TIMM44: variants seen among roughly 807,000 people sequenced by gnomAD.
TIMM44 encodes translocase of inner mitochondrial membrane 44.
TIMM44 carries 37 observed loss-of-function variants against 63.8 expected under a neutral mutation model. The observed-to-expected ratio is 0.58, with a 90% CI of 0.45 to 0.76. The LOEUF (loss-of-function observed/expected upper bound fraction) is 0.76, where lower values mean the gene tolerates loss of function less well. Ranked by LOEUF, TIMM44 falls within the 30% of genes least tolerant of loss-of-function variation. The probability of loss-of-function intolerance (pLI) is 0.00; values close to 1 mark genes in which losing one functional copy is unlikely to be tolerated. For synonymous variants in TIMM44, 239 were observed against 245.1 expected (o/e 0.98, Z 0.23); for missense variants, 573 against 603.8 (o/e 0.95, Z 0.54).
rs780520798 is a variant in TIMM44, at chr19:7,935,110, C to G, written c.348G>C (p.Glu116Asp). Residue 116 changes from glutamate (E) to aspartate (D), a missense_variant, in exon 4 of 13, where the codon GAG (glutamate) becomes GAC (aspartate). Glu to Asp is a conservative substitution (Grantham distance 45). Coordinates refer to ENST00000270538, the MANE Select transcript of TIMM44 (RefSeq NM_006351.4). ...GCTCCCCAAGCTTCTTCCGTAGCACCTCGCTCGTCCGCACGGTTTCTGACT... is the reference window on the plus strand; with the variant it reads ...GCTCCCCAAGCTTCTTCCGTAGCACGTCGCTCGTCCGCACGGTTTCTGACT... ...TIESETVRTS[E>D]VLRKKLGELT... The G allele has an allele frequency of 6.2e-7, 1 of 1,613,792 alleles. No individual in the cohort carries two copies. The highest frequency in any genetic ancestry group is 8.5e-7 in the Non-Finnish European group (1 of 1,179,948).
At chr19:7,928,857 GCAGCT>G (rs890816379) in intron 10 of TIMM44, 1 of 143,970 alleles carries the variant, frequency 6.9e-6, no homozygotes, top group African/African-American at 2.6e-5. Context: ...CAGGGCACCA[GCAGCT>G]CCCTGGCAAA....
Position 7,927,134 on chromosome 19 carries a change from G to A in TIMM44, c.*53C>T. ...TGGAGTTGCCGCAGGTGGTGTTGCGGTGCCTCTGTGCCTGATGACCCAGGC... is the reference window on the plus strand; with the variant it reads ...TGGAGTTGCCGCAGGTGGTGTTGCGATGCCTCTGTGCCTGATGACCCAGGC... On this transcript the variant is annotated 3_prime_UTR_variant, in exon 13 of 13. Coordinates refer to ENST00000270538, the MANE Select transcript of TIMM44 (RefSeq NM_006351.4). 6.4e-7 allele frequency: 1 copy of A among 1,566,292 alleles called. No individual in the cohort carries two copies. The highest frequency in any genetic ancestry group is 8.6e-7 in the Non-Finnish European group (1 of 1,162,772).
At chr19:7,928,504 G>A (rs770683552) in intron 10 of TIMM44, 12 of 312,560 alleles carry the variant, frequency 3.8e-5, no homozygotes, top group Non-Finnish European at 5.5e-5. Context: ...CATATTCGCC[G>A]CACTCTGAAT....
rs1446291330 is a variant in TIMM44 at position 7,933,032 on chromosome 19, C to T, written c.770-100G>A. The T allele has an allele frequency of 1.0e-6, 1 of 963,360 alleles. No homozygotes were observed. Among genetic ancestry groups the T allele is most frequent in the East Asian group, 2.6e-5 (1 of 38,916 alleles). 59.7% of individuals were successfully genotyped at this position (963,360 alleles called of 1,614,324 possible). ...CTCCCTGTGACCCCTGCGGGATCCA[C>T]CCTGACACGGGTGGGGTCAGGGAGG... On this transcript the variant is annotated intron_variant, in intron 7 of 12. Coordinates refer to ENST00000270538, the MANE Select transcript of TIMM44 (RefSeq NM_006351.4). The surrounding 1 kb of genome is among the most constrained non-coding windows in gnomAD (Gnocchi z 4.3).
chr19:7,939,692 G>C (rs1396433306), intron 2 of TIMM44, among the ~76,000 whole-genome samples: 5 of 151,742 alleles, frequency 3.3e-5, no homozygotes, highest in Non-Finnish European at 5.9e-5. Context: ...GAGGTGGGCG[G>C]ATCACTTGAG....
Position 7,934,246 on chromosome 19 carries a change from G to A in TIMM44, c.394-8C>T, listed in dbSNP as rs1447120503. 4 of 1,610,714 alleles carry A rather than the reference G, an allele frequency of 2.5e-6. No homozygotes were observed. The highest frequency in any genetic ancestry group is 3.4e-6 in the Non-Finnish European group (4 of 1,179,962). On this transcript the variant is annotated splice_region_variant and splice_polypyrimidine_tract_variant and intron_variant, in intron 4 of 12. Transcript: ENST00000270538. The surrounding 1 kb of genome is among the most constrained non-coding windows in gnomAD (Gnocchi z 5.3). Reference sequence around the variant, plus strand: ...ACTGACTTCGTGAAGGCTCTACTGAGACAGACACAGAGAGGGGGCGTTGGC... The same window carrying A: ...ACTGACTTCGTGAAGGCTCTACTGAAACAGACACAGAGAGGGGGCGTTGGC...
Position 7,932,789 on chromosome 19 carries a change from G to A in TIMM44, c.863-38C>T, listed in dbSNP as rs560957157. On this transcript the variant is annotated intron_variant, in intron 8 of 12. Transcript: ENST00000270538. ...GAGCCGGGAGTTCGGGGGGAAGGCC[G>A]GGGACCCCGCCCCACCACCAGCCTG... The A allele has an allele frequency of 2.4e-5, 39 of 1,613,984 alleles. No individual in the cohort carries two copies. In the African/African-American group the frequency reaches 2.5e-4, roughly 10 times the overall value.
At chr19:7,931,303 G>A in intron 9 of TIMM44, 115 bp from the exon 10 acceptor site, 6 of 962,674 alleles carry the variant, frequency 6.2e-6, no homozygotes, top group Middle Eastern at 2.1e-4. Flanking sequence ...AGACACCCCC[G>A]GCTGCCACCT....
chr19:7,927,997 C>A, intron 11 of TIMM44, 80 bp downstream of exon 11: 1 of 1,419,600 alleles, frequency 7.0e-7, no homozygotes, highest in African/African-American at 1.4e-5. Context: ...CAGCCCCTGG[C>A]AAGGCCACCT....
Position 7,941,141 on chromosome 19 carries a change from C to A in TIMM44, c.102G>T (p.Ser34=). The stretch of plus-strand genomic sequence containing the variant: ...CGCCCGGCCGGCGCATCTGATAGGT[C>A]GACCCATGGGGTAGGTTGTGGCTGG... ...FLSSHNLPHG[S]TYQMRRPGGE... The change falls in exon 2 of 13, where the codon TCG becomes TCT. Residue 34 remains serine (S), a synonymous_variant. Transcript: ENST00000270538. 6.2e-7 allele frequency: 1 copy of A among 1,614,050 alleles called. No individual in the cohort carries two copies. The highest frequency in any genetic ancestry group is 1.1e-5 in the South Asian group (1 of 91,040).
rs1247453566 is a variant in TIMM44, at chr19:7,934,757, G to C, written c.393+308C>G. On this transcript the variant is annotated intron_variant, in intron 4 of 12. Coordinates refer to ENST00000270538, the MANE Select transcript of TIMM44 (RefSeq NM_006351.4). This position sits in a 1 kb window ranked among gnomAD's most constrained non-coding sequence, Gnocchi z 5.3. ...TCCTGCCTCCCGCCTCTACCCTCGG[G>C]AGGGGGTGGAAGCGGCCCCTCTCCT... 6.6e-6 allele frequency among the ~76,000 whole-genome samples: 1 copy of C among 152,182 alleles called. No individual in the cohort carries two copies.
At chr19:7,939,140 A>G (rs1464458227) in intron 2 of TIMM44, among the ~76,000 whole-genome samples, 1 of 152,140 alleles carries the variant, frequency 6.6e-6, no homozygotes, top group Non-Finnish European at 1.5e-5. Flanking sequence ...TAAACCATGC[A>G]TTTATTAATA....
In TIMM44 at chr19:7,941,270, A is replaced by G. The variant is rs1490129970; in HGVS notation, c.46-73T>C. ...CTGAGAAGTAAGCAGACCACACACAAAACAGCAGGGTCACCTGCAACTCAC... is the reference window on the plus strand; with the variant it reads ...CTGAGAAGTAAGCAGACCACACACAGAACAGCAGGGTCACCTGCAACTCAC... On this transcript the variant is annotated intron_variant, in intron 1 of 12. Transcript: ENST00000270538. 3.9e-5 allele frequency: 47 copies of G among 1,220,630 alleles called. No homozygotes were observed. The South Asian group carries it at 4.7e-4, about 12-fold the overall frequency. 75.6% of individuals were successfully genotyped at this position (1,220,630 alleles called of 1,614,324 possible). A position where few individuals can be genotyped will look rare whatever the true frequency, so the allele number is the denominator to read the frequency against.
rs1984206107 is a variant in TIMM44 at position 7,938,076 on chromosome 19, G to T, written c.263C>A (p.Ala88Asp). ...KESIKKFRDE[A>D]RRLEESDVLQ... The stretch of plus-strand genomic sequence containing the variant: ...CACGTCTGATTCTTCTAGCCTTCTG[G>T]CCTCGTCACGGAATTTTTTTATACT... Residue 88 changes from alanine to aspartate, a missense_variant, in exon 3 of 13, where the codon GCC becomes GAC. By Grantham distance (126) the Ala-to-Asp change is moderately radical. Coordinates refer to ENST00000270538, the MANE Select transcript of TIMM44 (RefSeq NM_006351.4). 6.2e-7 allele frequency: 1 copy of T among 1,613,932 alleles called. No individual in the cohort carries two copies. Among genetic ancestry groups the T allele is most frequent in the Non-Finnish European group, 8.5e-7 (1 of 1,180,036 alleles).
intron 9 of TIMM44, 158 bp from the exon 10 acceptor site, chr19:7,931,346 T>TC (rs1011481631): frequency 2.2e-4 from 162 of 723,668 alleles, no homozygotes; most frequent in African/African-American, 6.7e-4. Flanking sequence ...GCACTGGGTG[T>TC]CCCCCCCAGG....
chr19:7,939,787 C>A (rs1984254686), intron 2 of TIMM44, among the ~76,000 whole-genome samples: 1 of 152,058 alleles, frequency 6.6e-6, no homozygotes, highest in African/African-American at 2.4e-5. Context: ...GTGGCGGCGC[C>A]TGCCTGTAGT....
At position 7,927,995 on chromosome 19, in the gene TIMM44, G is replaced by A. The variant is rs925116382; in HGVS notation, c.1128+82C>T. ...GATCAGCCCATGGCCCCCAGCCCCT[G>A]GCAAGGCCACCTCCTGGGCCTTGTC... On this transcript the variant is annotated intron_variant, in intron 11 of 12. Coordinates refer to ENST00000270538, the MANE Select transcript of TIMM44 (RefSeq NM_006351.4). 8.4e-5 allele frequency: 118 copies of A among 1,403,494 alleles called. 1 individual carries two copies. The Admixed American group carries it at 2.2e-3, about 26-fold the overall frequency. The allele number at this position is 1,403,494 out of a possible 1,614,324, so 86.9% of individuals were successfully genotyped here.
At chr19:7,929,489 G>A (rs1983917958) in intron 10 of TIMM44, among the ~76,000 whole-genome samples, 2 of 152,340 alleles carry the variant, frequency 1.3e-5, no homozygotes, top group South Asian at 2.1e-4. Flanking sequence ...CCGGGTCACC[G>A]ATGAAAGCTC....
rs1009211511 is a variant in TIMM44, at chr19:7,928,628, G to A, written c.1039-462C>T. Reference sequence around the variant, plus strand: ...CCCCCTGCGCCTGTGCCAGGCACAGGAAGCAGCCCCCGAGACACGTTTTCG... The same window carrying A: ...CCCCCTGCGCCTGTGCCAGGCACAGAAAGCAGCCCCCGAGACACGTTTTCG... On this transcript the variant is annotated intron_variant, in intron 10 of 12. Transcript: ENST00000270538. The A allele has an allele frequency of 7.1e-5, 11 of 154,894 alleles. No individual in the cohort carries two copies. The South Asian group carries it at 2.0e-3, about 28-fold the overall frequency. 9.6% of individuals were successfully genotyped at this position (154,894 alleles called of 1,614,324 possible). A position where few individuals can be genotyped will look rare whatever the true frequency, so the allele number is the denominator to read the frequency against.
Sources: gnomAD v4.1 joint callset for allele counts (sites outside exome capture counted in the v4.1 genomes callset) on GRCh38, gnomAD v4.1.1 for gene constraint, Gnocchi (gnomAD v3.1) non-coding constraint, MANE v1.5 for transcripts, NCBI Gene and HGNC (gene_info 2026-07-23, HGNC 2026-07-21) for gene names.